Variants in MAP2K6 observed in about 807,000 individuals in gnomAD.
MAP2K6 encodes dual specificity mitogen-activated protein kinase kinase 6.
In MAP2K6, 16 loss-of-function variants were observed where a neutral mutation model predicts 53.7. The ratio of observed to expected loss-of-function variants is 0.30; its 90% confidence interval spans 0.20 to 0.45. MAP2K6 has a LOEUF of 0.45. MAP2K6 is among the 20% of genes least tolerant of loss of function. The pLI is 1.00. For synonymous variants in MAP2K6, 132 were observed against 143.1 expected (o/e 0.92, Z 0.55); for missense variants, 204 against 411.9 (o/e 0.50, Z 4.37).
chr17:69,553,309 AG>A lies in MAP2K6; in HGVS notation c.*11558del, dbSNP rs968416158. On this transcript the variant is annotated 3_prime_UTR_variant, in exon 12 of 12. Coordinates refer to ENST00000590474, the MANE Select transcript of MAP2K6 (RefSeq NM_002758.4). Reference sequence around the variant, plus strand: ...ATCCAAGATCATATTTTTAAAAAGTAGGTTTCTGATGTGCCATGAAATATTT... The same window carrying A: ...ATCCAAGATCATATTTTTAAAAAGTAGTTTCTGATGTGCCATGAAATATTT... 21 of 152,210 alleles carry A rather than the reference AG, an allele frequency of 1.4e-4. No homozygotes were observed. Among genetic ancestry groups the A allele is most frequent in the Non-Finnish European group, 1.8e-4 (12 of 68,046 alleles). The allele number at this position is 152,210 out of a possible 1,614,324, so 9.4% of individuals were successfully genotyped here.
intron 1 of MAP2K6, among the ~76,000 whole-genome samples, chr17:69,453,788 C>T (rs777179512): frequency 5.9e-5 from 9 of 152,164 alleles, no homozygotes; most frequent in Non-Finnish European, 1.2e-4. Flanking sequence ...GTGTAAATTA[C>T]AATTACCTGG....
chr17:69,526,846 A>C, intron 10 of MAP2K6, 137 bp downstream of exon 10: 1 of 1,066,798 alleles, frequency 9.4e-7, no homozygotes, highest in Non-Finnish European at 1.3e-6. Context: ...TCTGCTGGAG[A>C]AGCAAAGATG....
intron 1 of MAP2K6, among the ~76,000 whole-genome samples, chr17:69,457,907 G>T (rs1168593074): frequency 6.6e-6 from 1 of 152,210 alleles, no homozygotes; most frequent in Admixed American, 6.5e-5. Context: ...GAAGATTCCT[G>T]TGCACATTAA....
chr17:69,498,647 A>G (rs1909034829), intron 1 of MAP2K6, among the ~76,000 whole-genome samples: 1 of 88,606 alleles, frequency 1.1e-5, no homozygotes, highest in Non-Finnish European at 2.4e-5. Flanking sequence ...ACACACCTGG[A>G]AGCCACACAC....
At chr17:69,418,695 AATGTTTATTAACTTTC>A (rs1373923820) in intron 1 of MAP2K6, among the ~76,000 whole-genome samples, 3 of 152,182 alleles carry the variant, frequency 2.0e-5, no homozygotes, top group Admixed American at 2.0e-4. Context: ...ATAGAATCTT[AATGTTTATTAACTTTC>A]ACTATTGTGA....
chr17:69,515,249 C>T (rs893457925), intron 2 of MAP2K6, among the ~76,000 whole-genome samples: 19 of 151,568 alleles, frequency 1.3e-4, no homozygotes, highest in Admixed American at 4.6e-4. Flanking sequence ...CTCCGCCTTC[C>T]GGGTTCAAGC....
chr17:69,503,986 C>G (rs996020691), intron 1 of MAP2K6, among the ~76,000 whole-genome samples: 3 of 152,112 alleles, frequency 2.0e-5, no homozygotes, highest in African/African-American at 2.4e-5. Context: ...CTCACCTGCC[C>G]CCTCTCCAGT....
chr17:69,503,965 C>G (rs1206089029), intron 1 of MAP2K6, among the ~76,000 whole-genome samples: 3 of 152,240 alleles, frequency 2.0e-5, no homozygotes, highest in Non-Finnish European at 4.4e-5. Flanking sequence ...AACTCAAAAT[C>G]CCGGGTACGT....
chr17:69,497,804 A>C (rs932590901), intron 1 of MAP2K6, among the ~76,000 whole-genome samples: 2 of 152,166 alleles, frequency 1.3e-5, no homozygotes, highest in Non-Finnish European at 2.9e-5. Flanking sequence ...CTTGATTGTC[A>C]AAATCCCACC....
At chr17:69,415,075 T>G in intron 1 of MAP2K6, 75 bp downstream of exon 1, 1 of 1,411,768 alleles carries the variant, frequency 7.1e-7, no homozygotes, top group Non-Finnish European at 9.9e-7. Flanking sequence ...GATGCAATTT[T>G]CGCCTGGCGA....
chr17:69,532,636 G>A (rs539897209), intron 10 of MAP2K6, among the ~76,000 whole-genome samples: 58 of 152,288 alleles, frequency 3.8e-4, no homozygotes, highest in Admixed American at 2.0e-3. Context: ...TGAGTGTATT[G>A]CTATTCTTAG....
At chr17:69,496,531 C>G (rs1204087570) in intron 1 of MAP2K6, among the ~76,000 whole-genome samples, 4 of 152,066 alleles carry the variant, frequency 2.6e-5, no homozygotes, top group African/African-American at 9.7e-5. Flanking sequence ...CCACGCCCGG[C>G]TAATTTTTTG....
intron 1 of MAP2K6, among the ~76,000 whole-genome samples, chr17:69,461,726 T>C (rs1907628548): frequency 6.6e-6 from 1 of 152,104 alleles, no homozygotes; most frequent in African/African-American, 2.4e-5. Flanking sequence ...CTGAGGCCCT[T>C]TGCATCCTCG....
chr17:69,419,452 A>G (rs1906006312), intron 1 of MAP2K6, among the ~76,000 whole-genome samples: 1 of 152,122 alleles, frequency 6.6e-6, no homozygotes, highest in Admixed American at 6.6e-5. Context: ...GCTCTTCAGG[A>G]AGATGGTACC....
At chr17:69,433,536 C>CA (rs1319096730) in intron 1 of MAP2K6, 1 of 152,234 alleles carries the variant, frequency 6.6e-6, no homozygotes, top group Non-Finnish European at 1.5e-5. Context: ...TGCATGTAGC[C>CA]ATTCCTCTAT....
intron 1 of MAP2K6, among the ~76,000 whole-genome samples, chr17:69,489,414 C>T (rs549722987): frequency 2.7e-4 from 41 of 152,262 alleles, no homozygotes; most frequent in South Asian, 8.3e-4. Flanking sequence ...GCTCAGTCTT[C>T]GCAATTAACT....
intron 1 of MAP2K6, among the ~76,000 whole-genome samples, chr17:69,427,731 C>A (rs1001874964): frequency 1.3e-5 from 2 of 152,148 alleles, no homozygotes; most frequent in Non-Finnish European, 1.5e-5. Flanking sequence ...ATGACCCAGC[C>A]AGGTAGAAGA....
At chr17:69,469,877 A>G (rs1379445236) in intron 1 of MAP2K6, among the ~76,000 whole-genome samples, 1 of 152,032 alleles carries the variant, frequency 6.6e-6, no homozygotes, top group Non-Finnish European at 1.5e-5. Flanking sequence ...TGGTCGGTGG[A>G]GCAATGAAAG....
chr17:69,492,838 C>T (rs573134744), intron 1 of MAP2K6, among the ~76,000 whole-genome samples: 1 of 152,298 alleles, frequency 6.6e-6, no homozygotes, highest in East Asian at 1.9e-4. Flanking sequence ...TGATAACATT[C>T]ATAGGTTGCA....
Sources: gnomAD v4.1 joint callset for allele counts (sites outside exome capture counted in the v4.1 genomes callset) on GRCh38, gnomAD v4.1.1 for gene constraint, MANE v1.5 for transcripts, NCBI Gene and HGNC (gene_info 2026-07-23, HGNC 2026-07-21) for gene names.